MTA3: variants seen among roughly 807,000 people sequenced by gnomAD.
MTA3 encodes the protein metastasis-associated protein MTA3.
A neutral mutation model predicts 83.5 loss-of-function variants in MTA3; 34 were observed. The observed-to-expected ratio is 0.41, with a 90% confidence interval of 0.31 to 0.54. The LOEUF (loss-of-function observed/expected upper bound fraction) is 0.54. MTA3 is among the 20% of genes least tolerant of loss of function. MTA3 has a pLI of 0.33. For missense variants in MTA3, 761 were observed against 726.4 expected, an observed-to-expected ratio of 1.05 and a Z score of -0.55; for synonymous variants, 303 against 252.7, an observed-to-expected ratio of 1.20 and a Z score of -1.89.
chr2:42,618,203 C>CT (rs1685136865), intron 4 of MTA3, among the ~76,000 whole-genome samples: 1 of 152,026 alleles, frequency 6.6e-6, no homozygotes, highest in South Asian at 2.1e-4. Context: ...CCACCCTGGC[C>CT]TCCCACCGTG....
chr2:42,697,670 T>G (rs1693509252), intron 10 of MTA3, 106 bp from the exon 11 acceptor site: 1 of 755,936 alleles, frequency 1.3e-6, no homozygotes, highest in Non-Finnish European at 2.1e-6. Flanking sequence ...GATGGTAATT[T>G]TTGAATTACA....
At chr2:42,574,817 T>G (rs1678871318) in intron 2 of MTA3, among the ~76,000 whole-genome samples, 3 of 152,168 alleles carry the variant, frequency 2.0e-5, no homozygotes, top group African/African-American at 7.2e-5. Flanking sequence ...TCTTGGTCTC[T>G]CAAAGCACTG....
At chr2:42,541,300 G>A (rs577731582) in intron 2 of MTA3, among the ~76,000 whole-genome samples, 2 of 152,296 alleles carry the variant, frequency 1.3e-5, no homozygotes, top group Admixed American at 1.3e-4. Context: ...CAGAGTGCTG[G>A]GATTACAGGC....
intron 10 of MTA3, among the ~76,000 whole-genome samples, chr2:42,697,092 C>G (rs1241328659): frequency 6.6e-6 from 1 of 152,144 alleles, no homozygotes; most frequent in Non-Finnish European, 1.5e-5. Flanking sequence ...TCTGGTTTGT[C>G]TTATTTTTGG....
intron 3 of MTA3, among the ~76,000 whole-genome samples, chr2:42,604,295 G>A (rs112649334): frequency 2.6e-5 from 4 of 152,108 alleles, no homozygotes; most frequent in African/African-American, 7.2e-5. Context: ...CACCCGCCTC[G>A]GCCTCCCAAA....
intron 16 of MTA3, among the ~76,000 whole-genome samples, chr2:42,733,974 A>G (rs528894360): frequency 2.6e-5 from 4 of 152,220 alleles, no homozygotes; most frequent in Non-Finnish European, 4.4e-5. Context: ...TATGATCCAC[A>G]TGCTAAGGAG....
chr2:42,623,158 C>T (rs953558236), intron 4 of MTA3, among the ~76,000 whole-genome samples: 2 of 152,204 alleles, frequency 1.3e-5, no homozygotes, highest in Middle Eastern at 6.8e-3. Context: ...ATCCTGTGTT[C>T]CTTGATGAAT....
chr2:42,570,392 A>G (rs1678332075), intron 1 of MTA3, 45 bp from the exon 2 acceptor site: 2 of 1,244,840 alleles, frequency 1.6e-6, no homozygotes, highest in African/African-American at 1.5e-5. Flanking sequence ...ACAAATCTGA[A>G]CTTTCTGTTA....
In MTA3 at chr2:42,622,370, C is replaced by CGGCTCGGCATGAGAGGGAGA. The variant is rs1685662382; in HGVS notation, c.317+12787_317+12806dup. Reference sequence around the variant, plus strand: ...AGATGGCAGCAGTACCGTCCAGCTTCGGCTCGGCATGAGAGGGAGACCGTG... The same window carrying CGGCTCGGCATGAGAGGGAGA: ...AGATGGCAGCAGTACCGTCCAGCTTCGGCTCGGCATGAGAGGGAGAGGCTCGGCATGAGAGGGAGACCGTG... On this transcript the variant is annotated intron_variant, in intron 4 of 16. Transcript: ENST00000405094. Among the ~76,000 whole-genome samples, 14 of 115,596 alleles carry CGGCTCGGCATGAGAGGGAGA rather than the reference C, an allele frequency of 1.2e-4. No homozygotes were observed. In the Admixed American group the frequency reaches 1.7e-3, roughly 14 times the overall value. 75.8% of individuals were successfully genotyped at this position (115,596 alleles called of 152,430 possible). A position where few individuals can be genotyped will look rare whatever the true frequency, so the allele number is the denominator to read the frequency against.
intron 8 of MTA3, among the ~76,000 whole-genome samples, chr2:42,673,114 A>G (rs1450566944): frequency 2.0e-5 from 3 of 146,730 alleles, no homozygotes; most frequent in African/African-American, 7.6e-5. Flanking sequence ...CTGACCTCCC[A>G]AAGTGCTGGG....
intron 2 of MTA3, among the ~76,000 whole-genome samples, chr2:42,549,265 C>A (rs1450356928): frequency 1.7e-5 from 2 of 114,400 alleles, no homozygotes; most frequent in Non-Finnish European, 3.5e-5. Flanking sequence ...ATATTATATA[C>A]GTGTACGTAT....
At chr2:42,750,175 G>C (rs1484290539) in intron 16 of MTA3, among the ~76,000 whole-genome samples, 3 of 151,958 alleles carry the variant, frequency 2.0e-5, no homozygotes, top group Admixed American at 6.6e-5. Flanking sequence ...ATTTTTAGTA[G>C]AGACGGGGTT....
intron 2 of MTA3, among the ~76,000 whole-genome samples, chr2:42,498,247 C>T (rs938804312): frequency 1.3e-5 from 2 of 152,154 alleles, no homozygotes; most frequent in African/African-American, 2.4e-5. Context: ...GACAGCTTTT[C>T]GAATGGAAAT....
chr2:42,596,764 G>T (rs942087146), intron 3 of MTA3, among the ~76,000 whole-genome samples: 1 of 152,068 alleles, frequency 6.6e-6, no homozygotes, highest in East Asian at 1.9e-4. Context: ...TTAATTTGTG[G>T]TCTGGAAGAA....
chr2:42,640,191 C>T lies in MTA3; in HGVS notation c.336C>T (p.Ala112=), dbSNP rs767626128. The change falls in exon 5 of 17, where the codon GCC becomes GCT. Residue 112 remains alanine, a synonymous_variant. Coordinates refer to ENST00000405094, the MANE Select transcript of MTA3 (RefSeq NM_001330442.2). ...TCAACAGGGGAAAGTGCAGTGTTGC[C>T]CTTCTGAATGAGACAGAATCAGTAT... The part of the protein sequence containing the change: ...ATHIRGKCSV[A]LLNETESVLS... The T allele has an allele frequency of 8.7e-6, 14 of 1,606,820 alleles. No homozygotes were observed. The Admixed American group carries it at 1.5e-4, about 17-fold the overall frequency.
At chr2:42,669,629 A>G (rs981347369) in intron 8 of MTA3, among the ~76,000 whole-genome samples, 31 of 152,310 alleles carry the variant, frequency 2.0e-4, no homozygotes, top group African/African-American at 6.7e-4. Context: ...AAGCAATAAT[A>G]TTCTACATTA....
In MTA3 at chr2:42,647,464, C is replaced by T. The variant is rs184756990; in HGVS notation, c.499+3220C>T. On this transcript the variant is annotated intron_variant, in intron 6 of 16. Transcript: ENST00000405094. ...CTGGTCTTGAAGTCCTGACTTCAAG[C>T]GATCTGTCCACCTTGGCCTCCCAAA... 4.6e-3 allele frequency among the ~76,000 whole-genome samples: 698 copies of T among 151,958 alleles called. 4 individuals are homozygous for T. Among genetic ancestry groups the T allele is most frequent in the African/African-American group, 6.2e-3 (256 of 41,472 alleles).
chr2:42,702,789 G>A (rs577066696), intron 11 of MTA3: 3 of 152,364 alleles, frequency 2.0e-5, no homozygotes, highest in East Asian at 1.9e-4. Context: ...TCTGGGGCAC[G>A]GTTTATAAGC....
At chr2:42,635,381 A>G (rs763980378) in intron 4 of MTA3, among the ~76,000 whole-genome samples, 6 of 152,104 alleles carry the variant, frequency 3.9e-5, no homozygotes, top group Non-Finnish European at 8.8e-5. Context: ...TAATCCCAGC[A>G]TTTTGGGAGG....
Sources: gnomAD v4.1 joint callset for allele counts (sites outside exome capture counted in the v4.1 genomes callset) on GRCh38, gnomAD v4.1.1 for gene constraint, MANE v1.5 for transcripts, NCBI Gene and HGNC (gene_info 2026-07-23, HGNC 2026-07-21) for gene names.